GGNBP2: variants seen among roughly 807,000 people sequenced by gnomAD.
The protein encoded by GGNBP2 is gametogenetin-binding protein 2.
Under a neutral mutation model 85.9 loss-of-function variants are expected in GGNBP2, and 10 were observed. That is an observed-to-expected ratio of 0.12 (90% CI 0.07 to 0.20). The LOEUF (loss-of-function observed/expected upper bound fraction) is 0.20, where lower values mean the gene tolerates loss of function less well. GGNBP2 is among the 10% of genes least tolerant of loss of function. GGNBP2 has a pLI of 1.00. For synonymous variants in GGNBP2, 287 were observed against 285.7 expected, an observed-to-expected ratio of 1.00 and a Z score of -0.05; for missense variants, 595 against 857.8, an observed-to-expected ratio of 0.69 and a Z score of 3.83.
chr17:36,575,287 C>A, intron 6 of GGNBP2: 1 of 524,776 alleles, frequency 1.9e-6, no homozygotes, highest in South Asian at 1.8e-5. Flanking sequence ...CCATCCCAGG[C>A]GATCCCCACC....
chr17:36,568,755 A>T (rs189270646), intron 6 of GGNBP2, among the ~76,000 whole-genome samples: 30 of 152,050 alleles, frequency 2.0e-4, no homozygotes, highest in African/African-American at 6.7e-4. Flanking sequence ...TTTACAAAGG[A>T]ATTTTCTTTT....
At chr17:36,560,896 G>C (rs1424199122) in intron 5 of GGNBP2, 25 bp downstream of exon 5, 6 of 1,160,374 alleles carry the variant, frequency 5.2e-6, no homozygotes, top group East Asian at 4.8e-5. Context: ...ATACCAAGAG[G>C]CTTTGTCATT....
chr17:36,572,085 GCTGC>G (rs1555606909), intron 6 of GGNBP2, among the ~76,000 whole-genome samples: 1 of 151,804 alleles, frequency 6.6e-6, no homozygotes, highest in Non-Finnish European at 1.5e-5. Context: ...CATATGCAAT[GCTGC>G]TTTTGCAAAT....
At chr17:36,561,114 G>A (rs1375523006) in intron 5 of GGNBP2, among the ~76,000 whole-genome samples, 1 of 151,700 alleles carries the variant, frequency 6.6e-6, no homozygotes, top group Admixed American at 6.6e-5. Flanking sequence ...GAGGAGGGAG[G>A]TTGAAGTCTT....
At position 36,547,308 on chromosome 17, in the gene GGNBP2, A is replaced by G. The variant is rs189217821; in HGVS notation, c.93+1491A>G. 19 of 152,324 alleles carry G rather than the reference A, an allele frequency of 1.2e-4. No individual in the cohort carries two copies. In the East Asian group the frequency reaches 1.5e-3, roughly 12 times the overall value. The allele number at this position is 152,324 out of a possible 1,614,324, so 9.4% of individuals were successfully genotyped here. A position where few individuals can be genotyped will look rare whatever the true frequency, so the allele number is the denominator to read the frequency against. On this transcript the variant is annotated intron_variant, in intron 2 of 13. Coordinates refer to ENST00000613102, the MANE Select transcript of GGNBP2 (RefSeq NM_024835.5). ...TAACATAAACACTTTTCTGAAGCAT[A>G]TAGTTATGATATCAGCCTTTAAGGT... is the stretch of plus-strand genomic sequence containing the variant.
At chr17:36,585,989 G>C (rs1266212248) in intron 11 of GGNBP2, 24 bp downstream of exon 11, 1 of 1,613,922 alleles carries the variant, frequency 6.2e-7, no homozygotes, top group East Asian at 2.2e-5. Flanking sequence ...AAGTTTCCCA[G>C]TTATTTCTAC....
At chr17:36,572,156 C>T (rs1022891356) in intron 6 of GGNBP2, among the ~76,000 whole-genome samples, 5 of 152,072 alleles carry the variant, frequency 3.3e-5, no homozygotes, top group Non-Finnish European at 7.4e-5. Flanking sequence ...TTTACTTATG[C>T]TTATAGTTGT....
intron 7 of GGNBP2, 33 bp downstream of exon 7, chr17:36,578,219 C>T: frequency 6.6e-7 from 1 of 1,516,670 alleles, no homozygotes; most frequent in Non-Finnish European, 9.0e-7. Flanking sequence ...AATGGGCTAT[C>T]TAGCGCTTTG....
At chr17:36,567,143 A>T (rs1263773974) in intron 5 of GGNBP2, among the ~76,000 whole-genome samples, 2 of 152,324 alleles carry the variant, frequency 1.3e-5, no homozygotes, top group Non-Finnish European at 2.9e-5. Context: ...TTTTGACTTT[A>T]GAACATTCCA....
Position 36,545,824 on chromosome 17 carries a change from G to C in GGNBP2, c.93+7G>C, listed in dbSNP as rs943993035. 2 of 1,536,082 alleles carry C rather than the reference G, an allele frequency of 1.3e-6. No homozygotes were observed. Among genetic ancestry groups the C allele is most frequent in the South Asian group, 1.2e-5 (1 of 82,862 alleles). ...CATAGACGACACCCTGACGGTGAGC[G>C]GGCCGGGCCGGGCTGGGCCCGCCGC... On this transcript the variant is annotated splice_region_variant and intron_variant, in intron 2 of 13. Transcript: ENST00000613102.
chr17:36,571,525 C>T (rs369399812), intron 6 of GGNBP2, among the ~76,000 whole-genome samples: 15 of 151,726 alleles, frequency 9.9e-5, no homozygotes, highest in South Asian at 2.1e-4. Context: ...TCTCCAGCCT[C>T]GGCAACAGCA....
chr17:36,586,401 G>T, intron 12 of GGNBP2: 1 of 581,494 alleles, frequency 1.7e-6, no homozygotes, highest in South Asian at 2.4e-5. Context: ...AACAGTCCTT[G>T]TGAGTCAGAA....
At chr17:36,578,367 AAACT>A in intron 7 of GGNBP2, 181 bp downstream of exon 7, 1 of 543,002 alleles carries the variant, frequency 1.8e-6, no homozygotes, top group Non-Finnish European at 3.2e-6. Flanking sequence ...AAATAGGGAA[AAACT>A]GTTCTCTGGT....
In GGNBP2 at chr17:36,557,172, A is replaced by T. The variant is rs200029924; in HGVS notation, c.264A>T (p.Pro88=). 15 of 1,613,874 alleles carry T rather than the reference A, an allele frequency of 9.3e-6. No individual in the cohort carries two copies. In the East Asian group the frequency reaches 3.3e-4, roughly 36 times the overall value. The change falls in exon 4 of 14, where the codon CCA becomes CCT. Residue 88 remains proline, a synonymous_variant. Coordinates refer to ENST00000613102, the MANE Select transcript of GGNBP2 (RefSeq NM_024835.5). ...TGAGTGCACTTTCTCAGCTTGTCCC[A>T]TGTGTTGGTTGTCGTCGCAGTGTGG... is the stretch of plus-strand genomic sequence containing the variant. ...EVLSALSQLV[P]CVGCRRSVER...
At chr17:36,549,622 G>C (rs2074289648) in intron 2 of GGNBP2, among the ~76,000 whole-genome samples, 1 of 150,002 alleles carries the variant, frequency 6.7e-6, no homozygotes, top group Non-Finnish European at 1.5e-5. Flanking sequence ...CACAGATACA[G>C]TTAATATATT....
chr17:36,586,980 C>CT lies in GGNBP2; in HGVS notation c.1642-14dup. 6.3e-7 allele frequency: 1 copy of CT among 1,599,382 alleles called. No individual in the cohort carries two copies. Among genetic ancestry groups the CT allele is most frequent in the Non-Finnish European group, 8.5e-7 (1 of 1,170,172 alleles). Reference sequence around the variant, plus strand: ...ATCATGCCTTTTTACCTGTGAAATCCTTTGCTGTGGTATCAGATCCAGAAG... The same window carrying CT: ...ATCATGCCTTTTTACCTGTGAAATCCTTTTGCTGTGGTATCAGATCCAGAAG... On this transcript the variant is annotated splice_polypyrimidine_tract_variant and intron_variant, in intron 12 of 13. Transcript: ENST00000613102.
chr17:36,563,904 C>T (rs976558749), intron 5 of GGNBP2, among the ~76,000 whole-genome samples: 3 of 151,864 alleles, frequency 2.0e-5, no homozygotes, highest in South Asian at 2.1e-4. Context: ...CTACCATGCC[C>T]GGCTAATTTT....
chr17:36,584,482 C>T (rs558763836), intron 9 of GGNBP2, among the ~76,000 whole-genome samples: 28 of 152,216 alleles, frequency 1.8e-4, no homozygotes, highest in Admixed American at 5.2e-4. Flanking sequence ...GGATTACATG[C>T]GCCTGCCACC....
rs2142800260 is a variant in GGNBP2 at position 36,589,610 on chromosome 17, GGCCT to G, written c.*203_*206del. 2.2e-5 allele frequency: 13 copies of G among 583,504 alleles called. 1 individual carries two copies. The South Asian group carries it at 2.9e-4, about 13-fold the overall frequency. The allele number at this position is 583,504 out of a possible 1,614,324, so 36.1% of individuals were successfully genotyped here. On this transcript the variant is annotated 3_prime_UTR_variant, in exon 14 of 14. Transcript: ENST00000613102. The stretch of plus-strand genomic sequence containing the variant: ...GTGTCTTTAGTTGCGTGGCTGCGCA[GGCCT>G]GCCATATGATTTAAGCCATCTCTTT...
Sources: allele counts gnomAD v4.1 joint callset (sites outside exome capture counted in the v4.1 genomes callset), GRCh38; gene constraint gnomAD v4.1.1; transcripts MANE v1.5; gene names NCBI Gene and HGNC (gene_info 2026-07-23, HGNC 2026-07-21).